BMERB1: variants seen among roughly 807,000 people sequenced by gnomAD.
BMERB1 encodes the protein bMERB domain-containing protein 1.
In BMERB1, 12 loss-of-function variants were observed where a neutral mutation model predicts 23.6. The ratio of observed to expected loss-of-function variants is 0.51; its 90% CI spans 0.33 to 0.82. The LOEUF is 0.82. Among genes scored for constraint, BMERB1 ranks in the 40% least tolerant of loss-of-function variants. BMERB1 has a pLI of 0.03. For synonymous variants in BMERB1, 122 were observed against 96.6 expected (o/e 1.26, Z -1.54); for missense variants, 247 against 255.4 (o/e 0.97, Z 0.22).
chr16:15,553,340 T>G (rs2030151601), intron 2 of BMERB1, among the ~76,000 whole-genome samples: 1 of 152,208 alleles, frequency 6.6e-6, no homozygotes, highest in East Asian at 1.9e-4. Context: ...CAAGGCGTGG[T>G]GGCATGCGCC....
chr16:15,469,474 A>T (rs901667684), intron 1 of BMERB1, among the ~76,000 whole-genome samples: 5 of 152,134 alleles, frequency 3.3e-5, no homozygotes, highest in African/African-American at 1.2e-4. Context: ...TACAGGTCCT[A>T]TGCCTTTATA....
chr16:15,585,614 G>T (rs2150979142), intron 5 of BMERB1, among the ~76,000 whole-genome samples: 1 of 152,262 alleles, frequency 6.6e-6, no homozygotes, highest in Non-Finnish European at 1.5e-5. Context: ...GGCAGATCAT[G>T]AGGTCAGGAG....
At chr16:15,497,131 A>G (rs2051481116) in intron 1 of BMERB1, among the ~76,000 whole-genome samples, 1 of 152,230 alleles carries the variant, frequency 6.6e-6, no homozygotes, top group African/African-American at 2.4e-5. Flanking sequence ...CCTGCTGCTC[A>G]CTGCACAGAA....
Position 15,562,023 on chromosome 16 carries a change from G to T in BMERB1, c.231-5960G>T, listed in dbSNP as rs1232941551. Among the ~76,000 whole-genome samples the T allele has an allele frequency of 3.3e-5, 5 of 152,008 alleles. No individual in the cohort carries two copies. The East Asian group carries it at 9.7e-4, about 30-fold the overall frequency. On this transcript the variant is annotated intron_variant, in intron 2 of 5. Coordinates refer to ENST00000300006, the MANE Select transcript of BMERB1 (RefSeq NM_033201.3). ...CTGCCATTATTCCTATTTAAAACATGACGGCTAGGTGCGGTGGCTCACGCC... is the reference window on the plus strand; with the variant it reads ...CTGCCATTATTCCTATTTAAAACATTACGGCTAGGTGCGGTGGCTCACGCC...
chr16:15,579,459 A>C (rs1273777203), intron 3 of BMERB1, among the ~76,000 whole-genome samples: 1 of 152,142 alleles, frequency 6.6e-6, no homozygotes, highest in African/African-American at 2.4e-5. Flanking sequence ...GAGAGAAACC[A>C]ACTTTCTGTC....
intron 1 of BMERB1, among the ~76,000 whole-genome samples, chr16:15,435,648 G>A (rs750536921): frequency 9.9e-5 from 15 of 152,146 alleles, no homozygotes; most frequent in Admixed American, 2.6e-4. Context: ...TTCCTGCCTC[G>A]GCTCTGGGTC....
intron 4 of BMERB1, 119 bp downstream of exon 4, chr16:15,581,450 C>G (rs749305611): frequency 5.2e-5 from 39 of 745,606 alleles, no homozygotes; most frequent in Non-Finnish European, 8.3e-5. Flanking sequence ...TGGCCTTGAT[C>G]CACAGTCTCT....
intron 1 of BMERB1, among the ~76,000 whole-genome samples, chr16:15,451,546 G>A (rs529486048): frequency 8.9e-4 from 119 of 134,004 alleles, no homozygotes; most frequent in Middle Eastern, 4.1e-3. Flanking sequence ...GTCACTCTTA[G>A]TATTTCTTTT....
At chr16:15,478,548 T>C (rs1171869268) in intron 1 of BMERB1, among the ~76,000 whole-genome samples, 1 of 152,190 alleles carries the variant, frequency 6.6e-6, no homozygotes, top group Non-Finnish European at 1.5e-5. Flanking sequence ...GACAGTGATT[T>C]TCAAAGCATG....
intron 1 of BMERB1, chr16:15,502,275 T>C: frequency 6.4e-7 from 1 of 1,550,934 alleles, no homozygotes; most frequent in Non-Finnish European, 8.7e-7. Flanking sequence ...ATAACAATCA[T>C]AGCCAGGATG....
intron 2 of BMERB1, among the ~76,000 whole-genome samples, chr16:15,544,011 G>A (rs1024897385): frequency 6.6e-6 from 1 of 152,116 alleles, no homozygotes; most frequent in Non-Finnish European, 1.5e-5. Context: ...GAGAGTACAT[G>A]TATCTGACTT....
intron 2 of BMERB1, among the ~76,000 whole-genome samples, chr16:15,538,994 C>A (rs1237000935): frequency 6.6e-6 from 1 of 152,090 alleles, no homozygotes; most frequent in East Asian, 1.9e-4. Context: ...TTCCATGGAC[C>A]AGGGATGGGG....
chr16:15,551,266 C>T (rs2030083784), intron 2 of BMERB1, among the ~76,000 whole-genome samples: 1 of 152,052 alleles, frequency 6.6e-6, no homozygotes, highest in Non-Finnish European at 1.5e-5. Context: ...TGTGTGTACC[C>T]TCCATGCCTG....
At chr16:15,528,943 G>A (rs958464566) in intron 2 of BMERB1, among the ~76,000 whole-genome samples, 2 of 152,108 alleles carry the variant, frequency 1.3e-5, no homozygotes, top group Non-Finnish European at 2.9e-5. Flanking sequence ...TGAGGAAGAG[G>A]TCCTCACCAG....
At position 15,586,708 on chromosome 16, in the gene BMERB1, T is replaced by C; in HGVS notation, c.503-9T>C. 6.2e-7 allele frequency: 1 copy of C among 1,600,968 alleles called. No homozygotes were observed. Among genetic ancestry groups the C allele is most frequent in the Non-Finnish European group, 8.5e-7 (1 of 1,173,836 alleles). On this transcript the variant is annotated splice_polypyrimidine_tract_variant and intron_variant, in intron 5 of 5. Transcript: ENST00000300006. ...CTCCCCCTCTCCCTGTGCCCACATCTTGCTGCAGGCTCCCGGGCAGAGAAG... is the reference window on the plus strand; with the variant it reads ...CTCCCCCTCTCCCTGTGCCCACATCCTGCTGCAGGCTCCCGGGCAGAGAAG...
intron 2 of BMERB1, among the ~76,000 whole-genome samples, chr16:15,522,768 G>T (rs2051868922): frequency 1.3e-5 from 2 of 152,060 alleles, no homozygotes; most frequent in African/African-American, 4.8e-5. Context: ...AAACCTCTAG[G>T]GGACCATAGA....
chr16:15,550,733 C>T (rs1358232033), intron 2 of BMERB1, among the ~76,000 whole-genome samples: 1 of 152,108 alleles, frequency 6.6e-6, no homozygotes, highest in Non-Finnish European at 1.5e-5. Flanking sequence ...GGGTGACATG[C>T]GTAGGCAGTC....
intron 2 of BMERB1, among the ~76,000 whole-genome samples, chr16:15,551,438 G>T (rs1255999823): frequency 1.3e-5 from 2 of 152,168 alleles, no homozygotes; most frequent in Non-Finnish European, 2.9e-5. Flanking sequence ...GATGTCAATG[G>T]GATAACAAGG....
At chr16:15,467,990 C>G (rs1274310043) in intron 1 of BMERB1, among the ~76,000 whole-genome samples, 3 of 152,010 alleles carry the variant, frequency 2.0e-5, no homozygotes, top group African/African-American at 7.3e-5. Context: ...AAAGGAATGT[C>G]TGGGTTAAGA....
Sources: allele counts gnomAD v4.1 joint callset (sites outside exome capture counted in the v4.1 genomes callset), GRCh38; gene constraint gnomAD v4.1.1; transcripts MANE v1.5; gene names NCBI Gene and HGNC (gene_info 2026-07-23, HGNC 2026-07-21).